The following OR2L13 variants were observed in gnomAD, a reference collection of about 807,000 sequenced individuals.
OR2L13 encodes olfactory receptor family 2 subfamily L member 13.
OR2L13 carries 14 observed loss-of-function variants against 15.3 expected under a neutral mutation model. The ratio of observed to expected loss-of-function variants is 0.91; its 90% CI spans 0.60 to 1.43. The LOEUF (loss-of-function observed/expected upper bound fraction) is 1.43. Ranked by LOEUF, OR2L13 falls within the 40% of genes most tolerant of loss-of-function variation. OR2L13 has a pLI of 0.00. For synonymous variants in OR2L13, 152 were observed against 142.9 expected (o/e 1.06, Z -0.45); for missense variants, 367 against 387.9 (o/e 0.95, Z 0.45).
At chr1:248,063,688 T>G in the OR2L13 span, among the ~76,000 whole-genome samples, 2 of 152,194 alleles carry the variant, frequency 1.3e-5, no homozygotes, top group African/African-American at 4.8e-5. Flanking sequence ...TGTACCCAAC[T>G]GCCACCTGTG....
At chr1:247,957,739 T>G in the OR2L13 span, among the ~76,000 whole-genome samples, 120,788 of 151,472 alleles carry the variant, frequency 0.8, 52,331 homozygotes, top group South Asian at 0.95. Flanking sequence ...TAGAGGTGTT[T>G]GTAGTATTCT....
chr1:247,994,538 A>T, the OR2L13 span, among the ~76,000 whole-genome samples: 1 of 152,182 alleles, frequency 6.6e-6, no homozygotes, highest in African/African-American at 2.4e-5. Flanking sequence ...ACATGATCTT[A>T]CTTATATTTT....
chr1:248,089,408 A>G, the OR2L13 span, among the ~76,000 whole-genome samples: 6 of 152,134 alleles, frequency 3.9e-5, no homozygotes, highest in South Asian at 1.0e-3. Context: ...AATTAACTCA[A>G]TCTCCAGCCC....
chr1:247,965,424 TC>T, the OR2L13 span: 1 of 1,613,424 alleles, frequency 6.2e-7, no homozygotes, highest in Non-Finnish European at 8.5e-7. Context: ...TACTTGTTGG[TC>T]TTTTCCAATA....
At chr1:247,979,906 A>G in the OR2L13 span, among the ~76,000 whole-genome samples, 1 of 152,144 alleles carries the variant, frequency 6.6e-6, no homozygotes, top group Non-Finnish European at 1.5e-5. Context: ...GATTTTCAGG[A>G]AATTTTCTTT....
the OR2L13 span, among the ~76,000 whole-genome samples, chr1:247,950,107 C>A: frequency 6.6e-6 from 1 of 151,700 alleles, no homozygotes; most frequent in African/African-American, 2.4e-5. Context: ...CTCAGCATAA[C>A]AATTTTATTA....
At chr1:247,945,685 T>C in the OR2L13 span, among the ~76,000 whole-genome samples, 1 of 152,198 alleles carries the variant, frequency 6.6e-6, no homozygotes, top group Admixed American at 6.5e-5. Flanking sequence ...GCTCCTGGAT[T>C]GGGTGCATAT....
the OR2L13 span, among the ~76,000 whole-genome samples, chr1:248,053,987 T>C: frequency 2.0e-5 from 3 of 152,212 alleles, no homozygotes; most frequent in Non-Finnish European, 2.9e-5. Flanking sequence ...CAATTTTTGC[T>C]ATTGTTGCAA....
the OR2L13 span, chr1:247,949,947 A>G: frequency 5.4e-6 from 3 of 554,194 alleles, no homozygotes; most frequent in Non-Finnish European, 8.6e-6. Context: ...TTGTTTTACA[A>G]ATATATATAT....
chr1:247,958,868 C>A, the OR2L13 span, among the ~76,000 whole-genome samples: 5 of 152,078 alleles, frequency 3.3e-5, no homozygotes, highest in African/African-American at 1.2e-4. Flanking sequence ...CTGAATACAG[C>A]ACACTGATGG....
chr1:247,965,472 C>T, the OR2L13 span: 2 of 1,613,806 alleles, frequency 1.2e-6, no homozygotes, highest in Non-Finnish European at 1.7e-6. Flanking sequence ...TCGTCATTGC[C>T]ACCCTCTTTA....
At chr1:248,078,618 G>A in the OR2L13 span, among the ~76,000 whole-genome samples, 1 of 152,044 alleles carries the variant, frequency 6.6e-6, no homozygotes, top group Non-Finnish European at 1.5e-5. Flanking sequence ...TTCCTGGATC[G>A]TTATCCTAGA....
At chr1:248,003,908 C>T in the OR2L13 span, 2,358 of 1,612,662 alleles carry the variant, frequency 1.5e-3, 3 homozygotes, top group Admixed American at 1.9e-3. Flanking sequence ...CACCTATCTA[C>T]GTCCAAGATC....
At chr1:247,998,711 G>C in the OR2L13 span, among the ~76,000 whole-genome samples, 1 of 152,166 alleles carries the variant, frequency 6.6e-6, no homozygotes, top group African/African-American at 2.4e-5. Context: ...AATAAATAAT[G>C]AAGGTAACTG....
At chr1:247,984,668 G>T in the OR2L13 span, among the ~76,000 whole-genome samples, 1 of 152,164 alleles carries the variant, frequency 6.6e-6, no homozygotes, top group Non-Finnish European at 1.5e-5. Context: ...TTCTTAAAAT[G>T]TATTTGGGAA....
the OR2L13 span, among the ~76,000 whole-genome samples, chr1:247,938,608 A>G: frequency 6.6e-6 from 1 of 152,168 alleles, no homozygotes; most frequent in Non-Finnish European, 1.5e-5. Flanking sequence ...AAACGCCTAC[A>G]TTGAGGGTAG....
At chr1:247,968,862 TAATGGGATGGCTGGG>T in the OR2L13 span, among the ~76,000 whole-genome samples, 2 of 152,146 alleles carry the variant, frequency 1.3e-5, no homozygotes, top group Non-Finnish European at 2.9e-5. Context: ...ATATACCCAG[TAATGGGATGGCTGGG>T]TCAGATGGTA....
the OR2L13 span, among the ~76,000 whole-genome samples, chr1:247,967,845 C>T: frequency 6.8e-6 from 1 of 148,110 alleles, no homozygotes; most frequent in Non-Finnish European, 1.5e-5. Context: ...TCCTCCTCTT[C>T]CTCCTTCTCC....
chr1:247,937,274 C>A, the OR2L13 span: 1 of 153,592 alleles, frequency 6.5e-6, no homozygotes, highest in South Asian at 1.8e-4. Flanking sequence ...GCCCCTCTCC[C>A]GCGACCGCCG....
Sources: allele counts gnomAD v4.1 joint callset (sites outside exome capture counted in the v4.1 genomes callset), GRCh38; gene constraint gnomAD v4.1.1; transcripts MANE v1.5; gene names NCBI Gene and HGNC (gene_info 2026-07-23, HGNC 2026-07-21).